The following PXDNL variants were observed in gnomAD, a reference collection of about 807,000 sequenced individuals.
PXDNL encodes peroxidasin like.
PXDNL carries 145 observed loss-of-function variants against 150.8 expected under a neutral mutation model. That is an observed-to-expected ratio of 0.96 (90% confidence interval 0.84 to 1.10). The LOEUF (loss-of-function observed/expected upper bound fraction) is 1.10, where lower values mean the gene tolerates loss of function less well. Among genes scored for constraint, PXDNL ranks in the 50% least tolerant of loss-of-function variants. The pLI is 0.00. For synonymous variants in PXDNL, 757 were observed against 725.7 expected, an observed-to-expected ratio of 1.04 and a Z score of -0.69; for missense variants, 2,087 against 1,873.9, an observed-to-expected ratio of 1.11 and a Z score of -2.10.
Position 51,499,476 on chromosome 8 carries a change from T to C in PXDNL, c.452+223A>G, listed in dbSNP as rs76560484. On this transcript the variant is annotated intron_variant, in intron 5 of 22. Transcript: ENST00000356297. The stretch of plus-strand genomic sequence containing the variant: ...TAGCTTTCTCTCATTTGTGAAGTGC[T>C]TCTTCCTCTCTTTTGCCCTGTTTTT... 2.0e-5 allele frequency among the ~76,000 whole-genome samples: 3 copies of C among 152,350 alleles called. No homozygotes were observed. The East Asian group carries it at 5.8e-4, about 29-fold the overall frequency.
At chr8:51,636,968 C>T (rs899934579) in intron 2 of PXDNL, among the ~76,000 whole-genome samples, 17 of 152,188 alleles carry the variant, frequency 1.1e-4, no homozygotes, top group South Asian at 1.0e-3. Flanking sequence ...ACACCTCACA[C>T]GGCTGGGTAC....
At chr8:51,668,169 G>T (rs929030062) in intron 1 of PXDNL, among the ~76,000 whole-genome samples, 7 of 28,540 alleles carry the variant, frequency 2.5e-4, no homozygotes, top group South Asian at 1.5e-3. Flanking sequence ...CTTCCTTCTC[G>T]CTCTCTCTTT....
chr8:51,616,651 C>G (rs146092051), intron 2 of PXDNL, among the ~76,000 whole-genome samples: 4 of 152,168 alleles, frequency 2.6e-5, no homozygotes, highest in African/African-American at 7.2e-5. Flanking sequence ...TTCAGTACTC[C>G]TGTATACTTT....
At chr8:51,406,856 G>A (rs970233054) in intron 17 of PXDNL, among the ~76,000 whole-genome samples, 17 of 152,136 alleles carry the variant, frequency 1.1e-4, no homozygotes, top group Admixed American at 6.5e-5. Flanking sequence ...GCCTACCACA[G>A]GGCTACATCT....
chr8:51,536,564 C>A (rs542505424), intron 4 of PXDNL, among the ~76,000 whole-genome samples: 6 of 151,020 alleles, frequency 4.0e-5, no homozygotes, highest in African/African-American at 1.5e-4. Flanking sequence ...ATCCAGGGAA[C>A]AGGCACGACA....
intron 1 of PXDNL, among the ~76,000 whole-genome samples, chr8:51,743,768 G>C (rs953945611): frequency 6.6e-6 from 1 of 151,934 alleles, no homozygotes; most frequent in African/African-American, 2.4e-5. Context: ...CACCAGCCTT[G>C]GCCTCCCAAA....
intron 21 of PXDNL, among the ~76,000 whole-genome samples, chr8:51,322,922 A>G (rs1202810485): frequency 2.0e-5 from 3 of 152,202 alleles, no homozygotes; most frequent in African/African-American, 7.2e-5. Context: ...CTAATACACT[A>G]ATAAACTAGC....
intron 19 of PXDNL, among the ~76,000 whole-genome samples, chr8:51,351,932 GAC>G (rs1343764240): frequency 6.6e-6 from 1 of 152,066 alleles, no homozygotes; most frequent in Non-Finnish European, 1.5e-5. Context: ...CATCTAGTAA[GAC>G]AGAGTCTAAT....
At chr8:51,573,041 A>G (rs1231495247) in intron 3 of PXDNL, among the ~76,000 whole-genome samples, 3 of 152,076 alleles carry the variant, frequency 2.0e-5, no homozygotes, top group Non-Finnish European at 4.4e-5. Flanking sequence ...CCTAGAAAAT[A>G]TCAATGAGTA....
intron 7 of PXDNL, among the ~76,000 whole-genome samples, chr8:51,473,310 C>CACACACACACAA (rs1238216161): frequency 1.3e-5 from 2 of 151,192 alleles, no homozygotes; most frequent in Non-Finnish European, 3.0e-5. Flanking sequence ...CACACACACA[C>CACACACACACAA]AAATACATAT....
chr8:51,794,871 G>A (rs2037546245), intron 1 of PXDNL, among the ~76,000 whole-genome samples: 1 of 152,102 alleles, frequency 6.6e-6, no homozygotes, highest in South Asian at 2.1e-4. Context: ...ATGGCAAGCT[G>A]AATTAAGTCA....
rs558834363 is a variant in PXDNL at position 51,367,788 on chromosome 8, G to T, written c.3901+4085C>A. ...AAAAGAAAAACAAAAACACCATGTT[G>T]TTTTAGAATAGTTTGAAGAGAAACT... On this transcript the variant is annotated intron_variant, in intron 19 of 22. Transcript: ENST00000356297. Among the ~76,000 whole-genome samples the T allele has an allele frequency of 1.3e-3, 204 of 152,312 alleles. 2 individuals are homozygous for T. Among genetic ancestry groups the T allele is most frequent in the African/African-American group, 4.6e-3 (192 of 41,566 alleles).
At chr8:51,794,362 A>G (rs2129258267) in intron 1 of PXDNL, among the ~76,000 whole-genome samples, 1 of 152,302 alleles carries the variant, frequency 6.6e-6, no homozygotes, top group Non-Finnish European at 1.5e-5. Flanking sequence ...ACACACAGTC[A>G]TCAGATTCTC....
chr8:51,470,344 G>A (rs867140415), intron 8 of PXDNL, among the ~76,000 whole-genome samples: 1 of 151,884 alleles, frequency 6.6e-6, no homozygotes. Flanking sequence ...CTGAGTTTCT[G>A]GCTACAATTA....
chr8:51,683,573 C>T (rs985903691), intron 1 of PXDNL, among the ~76,000 whole-genome samples: 1 of 152,024 alleles, frequency 6.6e-6, no homozygotes, highest in African/African-American at 2.4e-5. Flanking sequence ...ATCTGCTGTA[C>T]AACATTGCCC....
intron 5 of PXDNL, among the ~76,000 whole-genome samples, chr8:51,490,727 A>AGT (rs35415972): frequency 0.052 from 7,659 of 147,232 alleles, 572 homozygotes; most frequent in African/African-American, 0.17. Flanking sequence ...TTGACTTTCT[A>AGT]GTGTGTGTGT....
At chr8:51,559,609 C>A (rs1017433565) in intron 3 of PXDNL, among the ~76,000 whole-genome samples, 1 of 151,958 alleles carries the variant, frequency 6.6e-6, no homozygotes, top group East Asian at 1.9e-4. Flanking sequence ...TAGAGTCCAC[C>A]CTCAGCAGAG....
At chr8:51,764,474 G>C (rs112792383) in intron 1 of PXDNL, among the ~76,000 whole-genome samples, 2 of 150,756 alleles carry the variant, frequency 1.3e-5, no homozygotes, top group Admixed American at 6.6e-5. Flanking sequence ...CATGACTGCA[G>C]CTCCACCCTA....
chr8:51,754,590 G>A (rs1031723398), intron 1 of PXDNL, among the ~76,000 whole-genome samples: 7 of 151,890 alleles, frequency 4.6e-5, no homozygotes, highest in African/African-American at 1.5e-4. Context: ...TGCAAGCTCC[G>A]CCTCCTGGGT....
Sources: allele counts gnomAD v4.1 joint callset (sites outside exome capture counted in the v4.1 genomes callset), GRCh38; gene constraint gnomAD v4.1.1; transcripts MANE v1.5; gene names NCBI Gene and HGNC (gene_info 2026-07-23, HGNC 2026-07-21).